ATP11C: variants seen among roughly 807,000 people sequenced by gnomAD.
ATP11C encodes ATPase phospholipid transporting 11C (ATP11C blood group).
A neutral mutation model predicts 97.4 loss-of-function variants in ATP11C; 36 were observed. The observed-to-expected ratio is 0.37, with a 90% CI of 0.28 to 0.49. The LOEUF is 0.49. Among genes scored for constraint, ATP11C ranks in the 20% least tolerant of loss-of-function variants. ATP11C has a pLI of 0.98. For missense variants in ATP11C, 730 were observed against 824.6 expected, an observed-to-expected ratio of 0.89 and a Z score of 1.40; for synonymous variants, 275 against 290.9, an observed-to-expected ratio of 0.95 and a Z score of 0.56.
intron 3 of ATP11C, among the ~76,000 whole-genome samples, chrX:139,818,268 G>T (rs780588740): frequency 8.9e-6 from 1 of 112,069 alleles, no homozygotes; most frequent in South Asian, 3.7e-4. Context: ...ATACATAACT[G>T]TTATGTGACT....
intron 19 of ATP11C, among the ~76,000 whole-genome samples, chrX:139,773,209 G>A (rs1332341023): frequency 9.0e-6 from 1 of 111,234 alleles, no homozygotes; most frequent in African/African-American, 3.3e-5. Flanking sequence ...GGTGCTTTTT[G>A]CCATGATTCT....
intron 1 of ATP11C, among the ~76,000 whole-genome samples, chrX:139,860,586 G>A (rs997489874): frequency 8.9e-6 from 1 of 111,839 alleles, no homozygotes; most frequent in African/African-American, 3.3e-5. Flanking sequence ...GGGAGGCTGA[G>A]GGAGGTGGAT....
intron 1 of ATP11C, among the ~76,000 whole-genome samples, chrX:139,856,602 G>T (rs1177550268): frequency 1.8e-5 from 2 of 112,362 alleles, no homozygotes; most frequent in African/African-American, 6.5e-5. Context: ...TAAAGCGAGA[G>T]AAGTACCTTA....
At chrX:139,736,985 T>C (rs1432360078) in intron 28 of ATP11C, among the ~76,000 whole-genome samples, 1 of 111,423 alleles carries the variant, frequency 9.0e-6, no homozygotes, top group African/African-American at 3.3e-5. Flanking sequence ...AACAAAATCA[T>C]GATGTAACAG....
chrX:139,935,662 A>G (rs777111042), upstream of ATP11C, among the ~76,000 whole-genome samples: 2 of 111,775 alleles, frequency 1.8e-5, no homozygotes, highest in African/African-American at 3.3e-5. Context: ...TACGCCACCT[A>G]TACTCATGGG....
intron 1 of ATP11C, among the ~76,000 whole-genome samples, chrX:139,856,818 A>G (rs2084097911): frequency 8.9e-6 from 1 of 112,472 alleles, no homozygotes; most frequent in Non-Finnish European, 1.9e-5. Flanking sequence ...TTAAAGGAAT[A>G]GCTGAACAAT....
intron 1 of ATP11C, among the ~76,000 whole-genome samples, chrX:139,876,944 G>C (rs1241661101): frequency 8.9e-6 from 1 of 112,721 alleles, no homozygotes; most frequent in East Asian, 2.8e-4. Flanking sequence ...GCCATATGCA[G>C]GACTGGGCAG....
chrX:139,733,917 A>G (rs1260838255), intron 28 of ATP11C, among the ~76,000 whole-genome samples: 1 of 111,784 alleles, frequency 8.9e-6, no homozygotes, highest in African/African-American at 3.2e-5. Context: ...GAAAGCATGG[A>G]AAGAGTAACT....
At chrX:139,912,484 T>C (rs907575548) in intron 1 of ATP11C, among the ~76,000 whole-genome samples, 4 of 110,744 alleles carry the variant, frequency 3.6e-5, no homozygotes, top group African/African-American at 1.3e-4. Flanking sequence ...TCTATTCTAT[T>C]TGCATAGAAT....
At chrX:139,806,430 G>A (rs1475107776) in intron 5 of ATP11C, among the ~76,000 whole-genome samples, 1 of 111,899 alleles carries the variant, frequency 8.9e-6, no homozygotes, top group East Asian at 2.8e-4. Context: ...GAGAGCTGAG[G>A]TTGCAAAGCA....
chrX:139,853,330 G>A (rs1603401889), intron 1 of ATP11C, among the ~76,000 whole-genome samples: 1 of 108,035 alleles, frequency 9.3e-6, no homozygotes, highest in East Asian at 2.9e-4. Flanking sequence ...GAAAAAGAGA[G>A]AGGGGAAAGA....
chrX:139,821,314 C>T (rs1217580277), intron 2 of ATP11C, among the ~76,000 whole-genome samples: 2 of 111,922 alleles, frequency 1.8e-5, no homozygotes, highest in East Asian at 5.6e-4. Flanking sequence ...TTATGAGATT[C>T]CCAAGGTAGC....
intron 12 of ATP11C, among the ~76,000 whole-genome samples, chrX:139,790,464 TCACACACACA>T (rs56853640): frequency 8.1e-5 from 8 of 99,216 alleles, no homozygotes; most frequent in South Asian, 4.6e-4. Context: ...TCTCTCTCAC[TCACACACACA>T]CACACACACA....
intron 1 of ATP11C, 116 bp downstream of exon 1, chrX:139,931,900 T>G: frequency 2.3e-6 from 2 of 870,255 alleles, no homozygotes; most frequent in Non-Finnish European, 1.5e-6. Context: ...AGAAGAGGGG[T>G]GGTGGTGTCT....
At chrX:139,755,971 CA>C (rs1368090066) in intron 23 of ATP11C, among the ~76,000 whole-genome samples, 1 of 112,317 alleles carries the variant, frequency 8.9e-6, no homozygotes, top group Non-Finnish European at 1.9e-5. Context: ...CAAAAACTGA[CA>C]AATGTTACCT....
Position 139,797,345 on chromosome X carries a change from T to C in ATP11C, c.858-19A>G. ...AATAGATCTGAAAAATAAGATAGCA[T>C]GGATTTTAAAACCAAAGACATCAGT... On this transcript the variant is annotated intron_variant, in intron 10 of 29. Coordinates refer to ENST00000682941, the MANE Select transcript of ATP11C (RefSeq NM_001353812.2). The C allele has an allele frequency of 1.8e-6, 2 of 1,125,022 alleles. No homozygotes were observed. Among genetic ancestry groups the C allele is most frequent in the Non-Finnish European group, 2.4e-6 (2 of 837,769 alleles). 92.7% of individuals were successfully genotyped at this position (1,125,022 alleles called of 1,213,427 possible).
intron 23 of ATP11C, among the ~76,000 whole-genome samples, chrX:139,754,689 T>G (rs1314179765): frequency 8.9e-6 from 1 of 112,245 alleles, no homozygotes; most frequent in African/African-American, 3.2e-5. Context: ...GCAAGGTTGG[T>G]TCAATATCTG....
intron 1 of ATP11C, among the ~76,000 whole-genome samples, chrX:139,875,778 G>A (rs1268811082): frequency 9.0e-6 from 1 of 111,589 alleles, no homozygotes; most frequent in Non-Finnish European, 1.9e-5. Flanking sequence ...TCATAAAATT[G>A]TTAGAGGAAC....
chrX:139,797,500 A>C (rs1250539732), intron 10 of ATP11C, among the ~76,000 whole-genome samples, 174 bp from the exon 11 acceptor site: 1 of 111,533 alleles, frequency 9.0e-6, no homozygotes, highest in Admixed American at 9.6e-5. Context: ...CAAAATGGAA[A>C]AGCTGGCCAT....
Sources: gnomAD v4.1 joint callset for allele counts (sites outside exome capture counted in the v4.1 genomes callset) on GRCh38, gnomAD v4.1.1 for gene constraint, MANE v1.5 for transcripts, NCBI Gene and HGNC (gene_info 2026-07-23, HGNC 2026-07-21) for gene names.